SLC24A2: variants seen among roughly 807,000 people sequenced by gnomAD.
SLC24A2 encodes the protein solute carrier family 24 member 2.
A neutral mutation model predicts 62.0 loss-of-function variants in SLC24A2; 36 were observed. That is an observed-to-expected ratio of 0.58 (90% CI 0.44 to 0.77). SLC24A2 has a LOEUF of 0.77. SLC24A2 is among the 30% of genes least tolerant of loss of function. SLC24A2 has a pLI of 0.00. For missense variants in SLC24A2, 846 were observed against 817.9 expected (o/e 1.03, Z -0.42); for synonymous variants, 358 against 294.0 (o/e 1.22, Z -2.23).
the SLC24A2 span, among the ~76,000 whole-genome samples, chr9:19,851,181 G>A: frequency 6.7e-6 from 1 of 149,514 alleles, no homozygotes; most frequent in Non-Finnish European, 1.5e-5. Flanking sequence ...CCACCACCAT[G>A]CCAGGCTAGT....
the SLC24A2 span, among the ~76,000 whole-genome samples, chr9:19,966,847 A>T: frequency 2.6e-5 from 4 of 152,336 alleles, no homozygotes; most frequent in East Asian, 5.8e-4. Context: ...CAATTGAATT[A>T]GTAGAAGAAA....
the SLC24A2 span, among the ~76,000 whole-genome samples, chr9:20,103,260 C>T: frequency 6.6e-6 from 1 of 152,232 alleles, no homozygotes; most frequent in Non-Finnish European, 1.5e-5. Flanking sequence ...AGCTCCACCT[C>T]TGGGGGCAGG....
chr9:19,545,965 T>TG (rs1834545117), intron 8 of SLC24A2, among the ~76,000 whole-genome samples: 1 of 152,242 alleles, frequency 6.6e-6, no homozygotes, highest in Admixed American at 6.5e-5. Flanking sequence ...GACCCTGTGC[T>TG]GCAGGTCTGT....
At chr9:19,665,115 G>A (rs748950658) in intron 2 of SLC24A2, among the ~76,000 whole-genome samples, 7 of 152,152 alleles carry the variant, frequency 4.6e-5, no homozygotes, top group African/African-American at 2.4e-5. Context: ...AGTAAGATCC[G>A]CCTGCTCTTG....
the SLC24A2 span, among the ~76,000 whole-genome samples, chr9:20,181,197 G>A: frequency 4.6e-5 from 7 of 151,422 alleles, no homozygotes; most frequent in Non-Finnish European, 2.9e-5. Context: ...ATCTACAGCC[G>A]TATATCCTTG....
the SLC24A2 span, among the ~76,000 whole-genome samples, chr9:19,871,507 A>C: frequency 6.6e-6 from 1 of 152,250 alleles, no homozygotes; most frequent in Non-Finnish European, 1.5e-5. Context: ...TCACATCTGC[A>C]TTTGAACCCC....
At chr9:19,546,578 G>A (rs1834584677) in intron 8 of SLC24A2, among the ~76,000 whole-genome samples, 1 of 152,154 alleles carries the variant, frequency 6.6e-6, no homozygotes, top group Non-Finnish European at 1.5e-5. Flanking sequence ...AGACTGTTGT[G>A]CTGGCAGCAA....
the SLC24A2 span, among the ~76,000 whole-genome samples, chr9:19,966,453 A>G: frequency 6.6e-6 from 1 of 152,230 alleles, no homozygotes; most frequent in South Asian, 2.1e-4. Context: ...CTTAGAGCCA[A>G]TAATTTCTTG....
At chr9:20,068,549 C>T in the SLC24A2 span, among the ~76,000 whole-genome samples, 3 of 152,244 alleles carry the variant, frequency 2.0e-5, no homozygotes, top group Admixed American at 6.5e-5. Context: ...AAACTCTTGC[C>T]TCCTGAACAA....
the SLC24A2 span, among the ~76,000 whole-genome samples, chr9:20,226,119 C>G: frequency 6.6e-6 from 1 of 152,128 alleles, no homozygotes; most frequent in East Asian, 1.9e-4. Flanking sequence ...CAATTATATT[C>G]TAGCTGTGGG....
the SLC24A2 span, among the ~76,000 whole-genome samples, chr9:20,103,027 G>T: frequency 3.3e-5 from 5 of 152,176 alleles, no homozygotes; most frequent in African/African-American, 1.2e-4. Context: ...CTTAAAAAAC[G>T]GTGCACCAGG....
chr9:19,627,713 T>C (rs1587059867), intron 2 of SLC24A2, among the ~76,000 whole-genome samples: 1 of 152,182 alleles, frequency 6.6e-6, no homozygotes, highest in South Asian at 2.1e-4. Context: ...AAAATTCTTT[T>C]ATAGAGGCCA....
chr9:19,898,529 T>G, the SLC24A2 span, among the ~76,000 whole-genome samples: 1 of 151,862 alleles, frequency 6.6e-6, no homozygotes, highest in African/African-American at 2.4e-5. Flanking sequence ...GATCACGAGG[T>G]CAGGAGATTG....
chr9:19,535,293 T>G (rs1166309822), intron 8 of SLC24A2, among the ~76,000 whole-genome samples: 1 of 152,356 alleles, frequency 6.6e-6, no homozygotes, highest in South Asian at 2.1e-4. Context: ...TTTCTCCCAT[T>G]CTGTAGGTTG....
the SLC24A2 span, among the ~76,000 whole-genome samples, chr9:20,228,636 C>T: frequency 1.2e-4 from 19 of 152,140 alleles, no homozygotes; most frequent in African/African-American, 4.1e-4. Flanking sequence ...GAAGGGTGAA[C>T]GCCCCATTGT....
chr9:19,542,071 C>T (rs1023478954), intron 8 of SLC24A2, among the ~76,000 whole-genome samples: 304 of 152,294 alleles, frequency 2.0e-3, no homozygotes, highest in Non-Finnish European at 2.0e-3. Flanking sequence ...GGCTCGCGCA[C>T]GGTGCACGCA....
chr9:19,597,421 G>A (rs1223869650), intron 4 of SLC24A2, 142 bp from the exon 5 acceptor site: 1 of 694,276 alleles, frequency 1.4e-6, no homozygotes, highest in Non-Finnish European at 2.6e-6. Flanking sequence ...GTGCAAACAT[G>A]GGCCATGTGG....
chr9:19,968,599 T>G, the SLC24A2 span, among the ~76,000 whole-genome samples: 1 of 152,204 alleles, frequency 6.6e-6, no homozygotes, highest in East Asian at 1.9e-4. Context: ...TATTTAGAGC[T>G]GGAAAGCCTT....
chr9:19,734,430 T>G (rs940589785), intron 2 of SLC24A2, among the ~76,000 whole-genome samples: 1 of 152,160 alleles, frequency 6.6e-6, no homozygotes, highest in African/African-American at 2.4e-5. Flanking sequence ...AAGAAAGGCA[T>G]TGGTAGCTTG....
Sources: allele counts gnomAD v4.1 joint callset (sites outside exome capture counted in the v4.1 genomes callset), GRCh38; gene constraint gnomAD v4.1.1; transcripts MANE v1.5; gene names NCBI Gene and HGNC (gene_info 2026-07-23, HGNC 2026-07-21).